The following CCNY variants were observed in gnomAD, a reference collection of about 807,000 sequenced individuals.
The protein encoded by CCNY is cyclin-Y.
A neutral mutation model predicts 42.8 loss-of-function variants in CCNY; 19 were observed. The ratio of observed to expected loss-of-function variants is 0.44; its 90% CI spans 0.31 to 0.65. The LOEUF (loss-of-function observed/expected upper bound fraction) is 0.65, where lower values mean the gene tolerates loss of function less well. Ranked by LOEUF, CCNY falls within the 30% of genes least tolerant of loss-of-function variation. The pLI is 0.07. For synonymous variants in CCNY, 165 were observed against 162.7 expected, an observed-to-expected ratio of 1.01 and a Z score of -0.11; for missense variants, 370 against 437.3, an observed-to-expected ratio of 0.85 and a Z score of 1.37.
chr10:35,286,104 G>T (rs1295536521), intron 3 of CCNY, among the ~76,000 whole-genome samples: 1 of 152,016 alleles, frequency 6.6e-6, no homozygotes, highest in Admixed American at 6.6e-5. Flanking sequence ...GAACCACCAC[G>T]CCTGGCCTGG....
chr10:35,510,340 G>C (rs924016024), intron 3 of CCNY, among the ~76,000 whole-genome samples: 1 of 152,028 alleles, frequency 6.6e-6, no homozygotes, highest in Admixed American at 6.6e-5. Context: ...TCAGCCTCCT[G>C]GGTAGCTGGC....
At position 35,525,971 on chromosome 10, in the gene CCNY, C is replaced by G. The variant is rs1385799050; in HGVS notation, c.373C>G (p.Leu125Val). The change falls in exon 5 of 10, where the codon CTT (leucine) becomes GTT (valine). Residue 125 changes from leucine (L) to valine (V), a missense_variant. Leu to Val is a conservative substitution (Grantham distance 32). Coordinates refer to ENST00000374704, the MANE Select transcript of CCNY (RefSeq NM_145012.6). ...NLKYTIKCVA[L>V]AIYYHIKNRD... is the part of the protein sequence containing the mutation. ...TGCATTCTATTTTTACAGTGTCGCT[C>G]TTGCAATATATTATCACATCAAAAA... 6.2e-7 allele frequency: 1 copy of G among 1,612,148 alleles called. No individual in the cohort carries two copies. The highest frequency in any genetic ancestry group is 8.5e-7 in the Non-Finnish European group (1 of 1,179,526).
chr10:35,544,812 C>T (rs1301044195), intron 7 of CCNY, among the ~76,000 whole-genome samples: 1 of 152,198 alleles, frequency 6.6e-6, no homozygotes, highest in Non-Finnish European at 1.5e-5. Flanking sequence ...GAGGTCAGCC[C>T]CAGAAGCAGC....
intron 1 of CCNY, among the ~76,000 whole-genome samples, chr10:35,441,524 A>G (rs1838668688): frequency 6.6e-6 from 1 of 152,238 alleles, no homozygotes; most frequent in African/African-American, 2.4e-5. Flanking sequence ...CGGGAGGATC[A>G]CTTGAGCTCA....
intron 3 of CCNY, among the ~76,000 whole-genome samples, chr10:35,280,444 A>AAGGAAGGAAGGAAAGAAGGG (rs1337590147): frequency 1.3e-5 from 2 of 149,142 alleles, no homozygotes; most frequent in South Asian, 2.2e-4. Context: ...GGAAGGAAAG[A>AAGGAAGGAAGGAAAGAAGGG]AGGAAGGAAG....
chr10:35,292,586 CCTG>C (rs1835425858), intron 3 of CCNY, among the ~76,000 whole-genome samples: 1 of 151,990 alleles, frequency 6.6e-6, no homozygotes, highest in South Asian at 2.1e-4. Context: ...GTCTCAAACT[CCTG>C]ACCTCAGGTG....
At chr10:35,386,966 A>G (rs998408714) in intron 1 of CCNY, among the ~76,000 whole-genome samples, 1 of 152,172 alleles carries the variant, frequency 6.6e-6, no homozygotes, top group African/African-American at 2.4e-5. Context: ...CACATTCTTC[A>G]GTGAACACCA....
intron 3 of CCNY, among the ~76,000 whole-genome samples, chr10:35,277,362 A>G (rs1589013157): frequency 6.6e-6 from 1 of 152,188 alleles, no homozygotes; most frequent in Non-Finnish European, 1.5e-5. Context: ...GTATCCATCC[A>G]GTATTCCCAT....
At chr10:35,492,215 GCA>G (rs1326701696) in intron 2 of CCNY, among the ~76,000 whole-genome samples, 1 of 152,196 alleles carries the variant, frequency 6.6e-6, no homozygotes, top group Non-Finnish European at 1.5e-5. Context: ...TGAGACACCA[GCA>G]CACACACAGA....
intron 7 of CCNY, among the ~76,000 whole-genome samples, chr10:35,536,257 G>A (rs568845180): frequency 6.6e-6 from 1 of 152,178 alleles, no homozygotes; most frequent in East Asian, 1.9e-4. Flanking sequence ...CATGTAAGAA[G>A]TGCCTTTCAC....
chr10:35,273,554 T>C (rs1471488758), intron 3 of CCNY, among the ~76,000 whole-genome samples: 1 of 152,072 alleles, frequency 6.6e-6, no homozygotes, highest in Non-Finnish European at 1.5e-5. Flanking sequence ...CTCTCTGGCC[T>C]GGCATGGGTT....
intron 3 of CCNY, among the ~76,000 whole-genome samples, chr10:35,308,194 A>G (rs1334506267): frequency 2.0e-5 from 3 of 151,980 alleles, no homozygotes; most frequent in African/African-American, 7.2e-5. Context: ...GCACTAACAC[A>G]TGGCAGAGCT....
intron 2 of CCNY, among the ~76,000 whole-genome samples, chr10:35,500,230 T>C (rs1046218975): frequency 1.3e-5 from 2 of 152,240 alleles, no homozygotes; most frequent in African/African-American, 4.8e-5. Flanking sequence ...CTGCCTTCTA[T>C]GTGTCAGTCT....
At chr10:35,439,280 C>G (rs1391819650) in intron 1 of CCNY, among the ~76,000 whole-genome samples, 1 of 152,078 alleles carries the variant, frequency 6.6e-6, no homozygotes, top group Non-Finnish European at 1.5e-5. Context: ...CCCTGTGGCT[C>G]TATTATTAGC....
At chr10:35,322,225 T>C (rs939826825) in intron 3 of CCNY, among the ~76,000 whole-genome samples, 2 of 151,966 alleles carry the variant, frequency 1.3e-5, no homozygotes, top group African/African-American at 4.8e-5. Context: ...ATCGCAGTGC[T>C]TGCCTCCTGT....
At chr10:35,485,733 A>G (rs914540584) in intron 2 of CCNY, among the ~76,000 whole-genome samples, 3 of 148,836 alleles carry the variant, frequency 2.0e-5, no homozygotes, top group African/African-American at 5.2e-5. Flanking sequence ...TCAAAAAAAA[A>G]AAAAAACAAA....
intron 1 of CCNY, among the ~76,000 whole-genome samples, chr10:35,411,680 C>A (rs532795956): frequency 2.0e-5 from 3 of 152,162 alleles, no homozygotes; most frequent in Non-Finnish European, 4.4e-5. Flanking sequence ...TCTCTTCCAT[C>A]TGACAACCTG....
chr10:35,538,143 C>T (rs572185682), intron 7 of CCNY, among the ~76,000 whole-genome samples: 71 of 152,290 alleles, frequency 4.7e-4, no homozygotes, highest in Non-Finnish European at 7.2e-4. Context: ...CCATGTAAGA[C>T]GTGACCTGCT....
At chr10:35,319,617 T>G (rs528060290) in intron 3 of CCNY, among the ~76,000 whole-genome samples, 1 of 152,314 alleles carries the variant, frequency 6.6e-6, no homozygotes, top group South Asian at 2.1e-4. Flanking sequence ...GGCTCACACT[T>G]GTAATCCCAG....
Sources: allele counts gnomAD v4.1 joint callset (sites outside exome capture counted in the v4.1 genomes callset), GRCh38; gene constraint gnomAD v4.1.1; transcripts MANE v1.5; gene names NCBI Gene and HGNC (gene_info 2026-07-23, HGNC 2026-07-21).